ACTN2: variants seen among roughly 807,000 people sequenced by gnomAD.
ACTN2 encodes actinin alpha 2, also known as alpha-actinin-2.
ACTN2 carries 39 observed loss-of-function variants against 113.8 expected under a neutral mutation model. The observed-to-expected ratio is 0.34, with a 90% CI of 0.27 to 0.45. The LOEUF (loss-of-function observed/expected upper bound fraction) is 0.45. ACTN2 is among the 20% of genes least tolerant of loss of function. The pLI is 1.00. For synonymous variants in ACTN2, 429 were observed against 444.1 expected (o/e 0.97, Z 0.43); for missense variants, 992 against 1,177.9 (o/e 0.84, Z 2.31).
Position 236,691,200 on chromosome 1 carries a change from C to G in ACTN2, c.126+4401C>G, listed in dbSNP as rs190579941. Among the ~76,000 whole-genome samples, 1,042 of 151,936 alleles carry G rather than the reference C, an allele frequency of 6.9e-3. 11 individuals are homozygous for G. Among genetic ancestry groups the G allele is most frequent in the African/African-American group, 0.023 (969 of 41,476 alleles). ...CCTTGTGATCTGCCCACCTCGGCCT[C>G]CCAAAGTGCTGGGATTACAGGCGTG... On this transcript the variant is annotated intron_variant, in intron 1 of 20. Coordinates refer to ENST00000366578, the MANE Select transcript of ACTN2 (RefSeq NM_001103.4).
chr1:236,743,209 G>A (rs1380850356), intron 11 of ACTN2, among the ~76,000 whole-genome samples, 166 bp downstream of exon 11: 1 of 152,104 alleles, frequency 6.6e-6, no homozygotes, highest in African/African-American at 2.4e-5. Flanking sequence ...TTAAGAGGTA[G>A]GCATGAAAAT....
intron 1 of ACTN2, among the ~76,000 whole-genome samples, chr1:236,712,937 C>T (rs1285638122): frequency 6.9e-6 from 1 of 144,578 alleles, no homozygotes; most frequent in Non-Finnish European, 1.5e-5. Context: ...TTTTTTTTAA[C>T]AACCTACTAT....
At position 236,762,644 on chromosome 1, in the gene ACTN2, C is replaced by G; in HGVS notation, c.*25C>G. 6.2e-7 allele frequency: 1 copy of G among 1,611,918 alleles called. No homozygotes were observed. Among genetic ancestry groups the G allele is most frequent in the Non-Finnish European group, 8.5e-7 (1 of 1,178,924 alleles). On this transcript the variant is annotated 3_prime_UTR_variant, in exon 21 of 21. Coordinates refer to ENST00000366578, the MANE Select transcript of ACTN2 (RefSeq NM_001103.4). ...ATGCTGAGCTTCTGTAATCACTCAT[C>G]CCATCAGAATGCAATAAAAGCGGAA...
intron 3 of ACTN2, 134 bp from the exon 4 acceptor site, chr1:236,719,971 A>G (rs1658335996): frequency 1.4e-6 from 1 of 690,862 alleles, no homozygotes; most frequent in Admixed American, 2.1e-5. Context: ...TGCGGTGCTT[A>G]TAAAAACATA....
chr1:236,727,542 G>T, intron 5 of ACTN2, 136 bp from the exon 6 acceptor site: 2 of 835,126 alleles, frequency 2.4e-6, no homozygotes, highest in Non-Finnish European at 4.0e-6. Context: ...ACCGGGCGGG[G>T]TAAAGAGGAA....
intron 13 of ACTN2, chr1:236,748,193 T>C: frequency 4.0e-6 from 1 of 252,974 alleles, no homozygotes; most frequent in Non-Finnish European, 7.8e-6. Context: ...GAATTTGGCC[T>C]TATTTAAGTG....
chr1:236,710,564 G>T (rs1657993248), intron 1 of ACTN2, among the ~76,000 whole-genome samples: 1 of 152,164 alleles, frequency 6.6e-6, no homozygotes. Flanking sequence ...ACCATGTTTT[G>T]GAGGTTGAGG....
In ACTN2 at chr1:236,747,685, C is replaced by T. The variant is rs148223734; in HGVS notation, c.1425C>T (p.Asp475=). The change falls in exon 13 of 21, where the codon GAC becomes GAT. Residue 475 remains aspartate (D), a synonymous_variant. Transcript: ENST00000366578. The part of the protein sequence containing the change: ...AQELNELDYH[D]AVNVNDRCQK... ...TTAATAGTGAACTGGACTATCACGA[C>T]GCTGTGAATGTCAATGATCGGTGCC... 48 of 1,613,862 alleles carry T rather than the reference C, an allele frequency of 3.0e-5. No homozygotes were observed. Among genetic ancestry groups the T allele is most frequent in the Admixed American group, 1.2e-4 (7 of 60,000 alleles).
chr1:236,750,309 C>T (rs1207480295), intron 14 of ACTN2, among the ~76,000 whole-genome samples: 6 of 152,106 alleles, frequency 3.9e-5, no homozygotes, highest in Non-Finnish European at 8.8e-5. Context: ...TACCAGGAGC[C>T]GTCTAGAAGG....
chr1:236,721,036 T>G (rs1490143334), intron 4 of ACTN2, among the ~76,000 whole-genome samples: 1 of 115,142 alleles, frequency 8.7e-6, no homozygotes, highest in African/African-American at 3.2e-5. Flanking sequence ...TTTTTTTTTT[T>G]TTTTTTTTTG....
intron 3 of ACTN2, 142 bp from the exon 4 acceptor site, chr1:236,719,963 C>A: frequency 1.5e-6 from 1 of 672,262 alleles, no homozygotes. Context: ...AGACATACTG[C>A]GGTGCTTATA....
chr1:236,757,473 T>C lies in ACTN2; in HGVS notation c.2155-13T>C. 2 of 1,614,150 alleles carry C rather than the reference T, an allele frequency of 1.2e-6. No individual in the cohort carries two copies. The highest frequency in any genetic ancestry group is 1.7e-6 in the Non-Finnish European group (2 of 1,180,002). On this transcript the variant is annotated splice_polypyrimidine_tract_variant and intron_variant, in intron 17 of 20. Coordinates refer to ENST00000366578, the MANE Select transcript of ACTN2 (RefSeq NM_001103.4). ...GAGACTTAGAACTGATCTTTCCCCT[T>C]TTCCCTCAATAGCACATTCGTGTTG...
intron 19 of ACTN2, among the ~76,000 whole-genome samples, chr1:236,760,192 G>A (rs1412899696): frequency 6.6e-6 from 1 of 151,810 alleles, no homozygotes; most frequent in Admixed American, 6.6e-5. Flanking sequence ...GTTGCAGTGA[G>A]CTGAGATTGC....
intron 1 of ACTN2, among the ~76,000 whole-genome samples, chr1:236,715,922 C>G (rs920861898): frequency 3.9e-5 from 6 of 152,100 alleles, no homozygotes; most frequent in Non-Finnish European, 5.9e-5. Flanking sequence ...TGCCACTGCA[C>G]TCCAGCCTGG....
chr1:236,707,709 C>CTTTTT (rs5781919), intron 1 of ACTN2, among the ~76,000 whole-genome samples: 10 of 78,752 alleles, frequency 1.3e-4, no homozygotes, highest in East Asian at 3.7e-4. Flanking sequence ...TCTTTTTTTT[C>CTTTTT]TTTTTTTTTT....
intron 11 of ACTN2, 24 bp downstream of exon 11, chr1:236,743,067 G>C: frequency 6.2e-7 from 1 of 1,613,740 alleles, no homozygotes; most frequent in Non-Finnish European, 8.5e-7. Context: ...AGTCAGATTG[G>C]ATTTTTGAAA....
At chr1:236,755,967 A>T (rs370075291) in intron 17 of ACTN2, among the ~76,000 whole-genome samples, 10 of 24,060 alleles carry the variant, frequency 4.2e-4, no homozygotes, top group African/African-American at 1.0e-3. Context: ...GAACCCTGGT[A>T]ATAGAGTATA....
rs977332742 is a variant in ACTN2 at position 236,762,444 on chromosome 1, T to C, written c.2527-17T>C. 6.2e-7 allele frequency: 1 copy of C among 1,613,938 alleles called. No individual in the cohort carries two copies. The highest frequency in any genetic ancestry group is 8.5e-7 in the Non-Finnish European group (1 of 1,179,930). Reference sequence around the variant, plus strand: ...GTTTCTGCAACTGACTGCAAACACGTGTGTATTTTTTCCCAGCCATACATC... The same window carrying C: ...GTTTCTGCAACTGACTGCAAACACGCGTGTATTTTTTCCCAGCCATACATC... On this transcript the variant is annotated splice_polypyrimidine_tract_variant and intron_variant, in intron 20 of 20. Coordinates refer to ENST00000366578, the MANE Select transcript of ACTN2 (RefSeq NM_001103.4).
At chr1:236,712,334 G>A (rs1298374644) in intron 1 of ACTN2, among the ~76,000 whole-genome samples, 1 of 152,064 alleles carries the variant, frequency 6.6e-6, no homozygotes, top group African/African-American at 2.4e-5. Flanking sequence ...AGGGCACTGG[G>A]CTCTTTATAA....
Sources: allele counts gnomAD v4.1 joint callset (sites outside exome capture counted in the v4.1 genomes callset), GRCh38; gene constraint gnomAD v4.1.1; transcripts MANE v1.5; gene names NCBI Gene and HGNC (gene_info 2026-07-23, HGNC 2026-07-21).